Variants in SLC35F3 observed in about 807,000 individuals in gnomAD.
The protein encoded by SLC35F3 is solute carrier family 35 member F3.
Under a neutral mutation model 49.9 loss-of-function variants are expected in SLC35F3, and 25 were observed. The ratio of observed to expected loss-of-function variants is 0.50; its 90% CI spans 0.37 to 0.70. The LOEUF is 0.70. Among genes scored for constraint, SLC35F3 ranks in the 30% least tolerant of loss-of-function variants. The pLI is 0.00. For missense variants in SLC35F3, 525 were observed against 639.8 expected (o/e 0.82, Z 1.94); for synonymous variants, 275 against 265.4 (o/e 1.04, Z -0.35).
chr1:234,230,714 T>C (rs1251111298), intron 2 of SLC35F3, among the ~76,000 whole-genome samples: 1 of 152,210 alleles, frequency 6.6e-6, no homozygotes, highest in Non-Finnish European at 1.5e-5. Flanking sequence ...ATGGAGTGTC[T>C]GTGGCCTTTC....
chr1:234,245,014 T>C (rs1431538673), intron 3 of SLC35F3, among the ~76,000 whole-genome samples: 1 of 152,222 alleles, frequency 6.6e-6, no homozygotes, highest in Non-Finnish European at 1.5e-5. Flanking sequence ...ACACAAAATA[T>C]TGTTTGCTAA....
At chr1:234,103,395 G>T (rs1665240759) in intron 2 of SLC35F3, among the ~76,000 whole-genome samples, 1 of 152,170 alleles carries the variant, frequency 6.6e-6, no homozygotes, top group Non-Finnish European at 1.5e-5. Flanking sequence ...TCCCAGGGTG[G>T]GTGGGGAAGG....
intron 2 of SLC35F3, among the ~76,000 whole-genome samples, chr1:234,079,866 G>A (rs1308526818): frequency 6.6e-6 from 1 of 152,208 alleles, no homozygotes; most frequent in Non-Finnish European, 1.5e-5. Context: ...GTGTGATAGT[G>A]TGATATAAAA....
intron 3 of SLC35F3, among the ~76,000 whole-genome samples, chr1:234,280,042 G>A (rs1455055708): frequency 6.6e-6 from 1 of 152,190 alleles, no homozygotes; most frequent in African/African-American, 2.4e-5. Flanking sequence ...CAACTACCTA[G>A]AGGGGTCTCC....
At chr1:234,216,833 C>T (rs1158315150) in intron 2 of SLC35F3, among the ~76,000 whole-genome samples, 1 of 152,144 alleles carries the variant, frequency 6.6e-6, no homozygotes, top group East Asian at 1.9e-4. Flanking sequence ...GCTGAAAATG[C>T]CTGGCAAGCC....
intron 2 of SLC35F3, among the ~76,000 whole-genome samples, chr1:234,142,850 A>G (rs1665938415): frequency 6.6e-6 from 1 of 152,182 alleles, no homozygotes; most frequent in African/African-American, 2.4e-5. Context: ...ACTCTCATTA[A>G]AAGATTGAGT....
intron 2 of SLC35F3, among the ~76,000 whole-genome samples, chr1:234,028,636 G>T (rs1664012651): frequency 6.6e-6 from 1 of 152,214 alleles, no homozygotes; most frequent in South Asian, 2.1e-4. Context: ...GAATGTTTAT[G>T]TGTTGACGGG....
intron 2 of SLC35F3, among the ~76,000 whole-genome samples, chr1:234,036,506 G>A (rs1664146568): frequency 6.6e-6 from 1 of 152,214 alleles, no homozygotes; most frequent in African/African-American, 2.4e-5. Context: ...AGCTGAGAAG[G>A]AGGAGAGCTA....
At chr1:234,192,700 G>A (rs1023906450) in intron 2 of SLC35F3, among the ~76,000 whole-genome samples, 5 of 151,724 alleles carry the variant, frequency 3.3e-5, no homozygotes, top group Non-Finnish European at 5.9e-5. Context: ...AAACCCTAAA[G>A]ACTCCTCCAA....
intron 2 of SLC35F3, among the ~76,000 whole-genome samples, chr1:234,165,850 C>T (rs1666310893): frequency 6.6e-6 from 1 of 152,154 alleles, no homozygotes; most frequent in Non-Finnish European, 1.5e-5. Context: ...TTTCATCCCT[C>T]ATCCTCCCTT....
chr1:234,180,221 A>G (rs915741193), intron 2 of SLC35F3, among the ~76,000 whole-genome samples: 1 of 152,192 alleles, frequency 6.6e-6, no homozygotes, highest in Non-Finnish European at 1.5e-5. Flanking sequence ...CTTTTTCAAA[A>G]GGATGTGGCT....
chr1:233,974,042 G>A (rs1353056566), intron 2 of SLC35F3, among the ~76,000 whole-genome samples: 5 of 151,876 alleles, frequency 3.3e-5, no homozygotes, highest in South Asian at 4.2e-4. Context: ...GACTTGGTAC[G>A]TTTGCTTATT....
chr1:234,248,992 G>T (rs1667692557), intron 3 of SLC35F3, among the ~76,000 whole-genome samples: 3 of 152,230 alleles, frequency 2.0e-5, no homozygotes, highest in African/African-American at 4.8e-5. Context: ...TCCAGAGGGA[G>T]TAGATTTTGC....
intron 2 of SLC35F3, among the ~76,000 whole-genome samples, chr1:234,034,582 A>G (rs1335116099): frequency 2.0e-5 from 3 of 152,108 alleles, no homozygotes; most frequent in African/African-American, 7.2e-5. Flanking sequence ...GTGCAGTGGC[A>G]TGATCTCGGC....
chr1:234,048,694 A>C (rs117297447), intron 2 of SLC35F3, among the ~76,000 whole-genome samples: 22 of 140,790 alleles, frequency 1.6e-4, no homozygotes, highest in Non-Finnish European at 2.5e-4. Flanking sequence ...CCTGGCATAC[A>C]TTCAGGGGTG....
chr1:234,282,401 G>GC (rs1389361558), intron 3 of SLC35F3, among the ~76,000 whole-genome samples: 5 of 152,208 alleles, frequency 3.3e-5, no homozygotes, highest in Non-Finnish European at 7.3e-5. Context: ...TCCCACCCCT[G>GC]CCCTTGGCCT....
At chr1:233,908,536 C>CTTTTTTTTTTTTTT (rs898041195) in intron 2 of SLC35F3, among the ~76,000 whole-genome samples, 2 of 84,880 alleles carry the variant, frequency 2.4e-5, no homozygotes, top group Non-Finnish European at 4.6e-5. Flanking sequence ...GTAAAGGATT[C>CTTTTTTTTTTTTTT]TTTTTTTTTT....
At chr1:234,224,656 A>T (rs770318855) in intron 2 of SLC35F3, among the ~76,000 whole-genome samples, 3 of 152,242 alleles carry the variant, frequency 2.0e-5, no homozygotes, top group Non-Finnish European at 4.4e-5. Context: ...AACGAGAGGA[A>T]TGAGTACATT....
intron 2 of SLC35F3, among the ~76,000 whole-genome samples, chr1:234,208,898 C>A (rs1391999319): frequency 6.6e-6 from 1 of 152,198 alleles, no homozygotes; most frequent in Non-Finnish European, 1.5e-5. Context: ...AAAGAACAGG[C>A]TCCTATCAGA....
Sources: allele counts gnomAD v4.1 joint callset (sites outside exome capture counted in the v4.1 genomes callset), GRCh38; gene constraint gnomAD v4.1.1; transcripts MANE v1.5; gene names NCBI Gene and HGNC (gene_info 2026-07-23, HGNC 2026-07-21).